PROS1: variants seen among roughly 807,000 people sequenced by gnomAD.
PROS1 encodes the protein protein S, also known as vitamin K-dependent protein S.
PROS1 carries 29 observed loss-of-function variants against 75.9 expected under a neutral mutation model. That is an observed-to-expected ratio of 0.38 (90% CI 0.28 to 0.52). The LOEUF (loss-of-function observed/expected upper bound fraction) is 0.52. PROS1 is among the 20% of genes least tolerant of loss of function. PROS1 has a pLI of 0.83. For missense variants in PROS1, 680 were observed against 810.3 expected, an observed-to-expected ratio of 0.84 and a Z score of 1.95; for synonymous variants, 245 against 280.6, an observed-to-expected ratio of 0.87 and a Z score of 1.27.
chr3:93,918,486 G>A (rs546289439), intron 3 of PROS1, among the ~76,000 whole-genome samples: 28 of 152,134 alleles, frequency 1.8e-4, no homozygotes, highest in Admixed American at 1.1e-3. Context: ...CACTCACCAC[G>A]AAGGTCCGAA....
intron 4 of PROS1, among the ~76,000 whole-genome samples, chr3:93,907,170 C>T (rs546943663): frequency 6.6e-6 from 1 of 152,348 alleles, no homozygotes; most frequent in South Asian, 2.1e-4. Context: ...TTCCTGGGCC[C>T]ACCCATGGCA....
chr3:93,959,997 T>C (rs763301403), intron 1 of PROS1, among the ~76,000 whole-genome samples: 2 of 152,196 alleles, frequency 1.3e-5, no homozygotes, highest in Non-Finnish European at 2.9e-5. Context: ...ACCACACACT[T>C]TGTAATATAT....
At chr3:93,900,766 C>T in intron 7 of PROS1, 38 bp downstream of exon 7, 1 of 1,611,416 alleles carries the variant, frequency 6.2e-7, no homozygotes, top group Non-Finnish European at 8.5e-7. Flanking sequence ...TCACACCCAC[C>T]CTCTCCACCA....
At chr3:93,939,084 C>T (rs148663167) in intron 1 of PROS1, among the ~76,000 whole-genome samples, 1 of 152,286 alleles carries the variant, frequency 6.6e-6, no homozygotes, top group East Asian at 1.9e-4. Context: ...CTTCAACTCA[C>T]ACCTGATCTA....
chr3:93,897,482 A>G (rs1410097404), intron 8 of PROS1, among the ~76,000 whole-genome samples: 2 of 152,078 alleles, frequency 1.3e-5, no homozygotes, highest in African/African-American at 4.8e-5. Flanking sequence ...GTGATATGTA[A>G]CTACACCAAA....
chr3:93,912,563 G>A (rs1395366189), intron 3 of PROS1, among the ~76,000 whole-genome samples: 1 of 152,084 alleles, frequency 6.6e-6, no homozygotes, highest in Admixed American at 6.6e-5. Context: ...GGGTGTTTCT[G>A]GAGCCCCTAT....
At chr3:93,918,651 C>A (rs936149647) in intron 3 of PROS1, among the ~76,000 whole-genome samples, 2 of 152,100 alleles carry the variant, frequency 1.3e-5, no homozygotes, top group African/African-American at 2.4e-5. Context: ...GACCAAGAAC[C>A]CACCAATTCT....
chr3:93,935,076 C>T (rs1709162552), intron 1 of PROS1, among the ~76,000 whole-genome samples: 1 of 152,130 alleles, frequency 6.6e-6, no homozygotes, highest in Non-Finnish European at 1.5e-5. Context: ...GGCTTTATTA[C>T]CCAGAAAAAA....
chr3:93,910,734 T>C (rs1351618038), intron 3 of PROS1, 29 bp from the exon 4 acceptor site: 6 of 1,549,206 alleles, frequency 3.9e-6, no homozygotes, highest in Non-Finnish European at 5.3e-6. Context: ...ATAATCTTCT[T>C]AGAGTAGACA....
intron 3 of PROS1, among the ~76,000 whole-genome samples, chr3:93,921,160 G>C (rs1004396067): frequency 6.6e-6 from 1 of 152,064 alleles, no homozygotes; most frequent in Admixed American, 6.6e-5. Context: ...CTGGGATTAC[G>C]GGCATAAGCC....
At chr3:93,916,131 G>A (rs1708844832) in intron 3 of PROS1, among the ~76,000 whole-genome samples, 1 of 152,132 alleles carries the variant, frequency 6.6e-6, no homozygotes, top group Non-Finnish European at 1.5e-5. Context: ...AGGCAAAAGG[G>A]TACAAGAGAT....
In PROS1 at chr3:93,879,276, T is replaced by C; in HGVS notation, c.1531A>G (p.Thr511Ala). Reference sequence around the variant, plus strand: ...CCCGTGGATGGACGAATATTCAAGGTCACATTTACATGCCAACCCTCAGCA... The same window carrying C: ...CCCGTGGATGGACGAATATTCAAGGCCACATTTACATGCCAACCCTCAGCA... The part of the protein sequence containing the change: ...SSAEGWHVNV[T>A]LNIRPSTGTG... The change falls in exon 13 of 15, where the codon ACC becomes GCC. Residue 511 changes from threonine to alanine, a missense_variant. Coordinates refer to ENST00000394236, the MANE Select transcript of PROS1 (RefSeq NM_000313.4). 6.2e-7 allele frequency: 1 copy of C among 1,614,050 alleles called. No homozygotes were observed. The highest frequency in any genetic ancestry group is 8.5e-7 in the Non-Finnish European group (1 of 1,179,936).
chr3:93,958,201 C>G (rs1360933079), intron 1 of PROS1, among the ~76,000 whole-genome samples: 1 of 151,920 alleles, frequency 6.6e-6, no homozygotes, highest in Non-Finnish European at 1.5e-5. Flanking sequence ...AAAATAAAAC[C>G]TAATAAAACA....
At chr3:93,943,252 G>A (rs1235234070) in intron 1 of PROS1, among the ~76,000 whole-genome samples, 2 of 151,996 alleles carry the variant, frequency 1.3e-5, no homozygotes, top group Non-Finnish European at 2.9e-5. Context: ...TTAAAAAGGA[G>A]GACTCTGTCA....
At chr3:93,935,931 TAACATAGA>T (rs1244196686) in intron 1 of PROS1, among the ~76,000 whole-genome samples, 2 of 144,608 alleles carry the variant, frequency 1.4e-5, no homozygotes, top group African/African-American at 2.5e-5. Context: ...AAGAGGCAGT[TAACATAGA>T]AACTCAAGTC....
chr3:93,893,060 G>T lies in PROS1; in HGVS notation c.1028C>A (p.Ser343Tyr). Reference protein sequence around the residue: ...DSEGVILYAESIDHSAWLLIA... With the variant: ...DSEGVILYAEYIDHSAWLLIA... ...CAGGAGCCACGCTGAGTGATCGATA[G>T]ATTCTGCGTACAGTATCACGCCTTC... is the stretch of plus-strand genomic sequence containing the variant. Residue 343 changes from serine to tyrosine, a missense_variant, in exon 10 of 15, where the codon TCT (serine) becomes TAT (tyrosine). Coordinates refer to ENST00000394236, the MANE Select transcript of PROS1 (RefSeq NM_000313.4). The T allele has an allele frequency of 6.2e-7, 1 of 1,614,050 alleles. No homozygotes were observed. The highest frequency in any genetic ancestry group is 1.1e-5 in the South Asian group (1 of 91,082).
intron 1 of PROS1, among the ~76,000 whole-genome samples, chr3:93,954,110 T>C (rs946807972): frequency 6.6e-6 from 1 of 152,180 alleles, no homozygotes; most frequent in Non-Finnish European, 1.5e-5. Context: ...TCCATGCTCA[T>C]GGGTAGGAAG....
At chr3:93,949,974 C>T (rs1709466601) in intron 1 of PROS1, among the ~76,000 whole-genome samples, 1 of 152,180 alleles carries the variant, frequency 6.6e-6, no homozygotes, top group South Asian at 2.1e-4. Flanking sequence ...AATAGGGACA[C>T]TCACACCCTA....
At position 93,954,661 on chromosome 3, in the gene PROS1, C is replaced by G. The variant is rs1468390268; in HGVS notation, c.76+19013G>C. ...TAGGCAATAGCATTCAGGACATAGG[C>G]ATGGTCAAGGACTTCATGACTAAAG... On this transcript the variant is annotated intron_variant, in intron 1 of 14. Transcript: ENST00000394236. Among the ~76,000 whole-genome samples, 5 of 152,150 alleles carry G rather than the reference C, an allele frequency of 3.3e-5. No individual in the cohort carries two copies. In the South Asian group the frequency reaches 1.0e-3, roughly 32 times the overall value.
Sources: allele counts gnomAD v4.1 joint callset (sites outside exome capture counted in the v4.1 genomes callset), GRCh38; gene constraint gnomAD v4.1.1; transcripts MANE v1.5; gene names NCBI Gene and HGNC (gene_info 2026-07-23, HGNC 2026-07-21).